The following CDH18 variants were observed in gnomAD, a reference collection of about 807,000 sequenced individuals.
The protein encoded by CDH18 is cadherin-18.
Under a neutral mutation model 67.9 loss-of-function variants are expected in CDH18, and 31 were observed. The observed-to-expected ratio is 0.46, with a 90% CI of 0.34 to 0.62. CDH18 has a LOEUF of 0.62. Ranked by LOEUF, CDH18 falls within the 20% of genes least tolerant of loss-of-function variation. The probability of loss-of-function intolerance (pLI) is 0.01; values close to 1 mark genes in which losing one functional copy is unlikely to be tolerated. For missense variants in CDH18, 890 were observed against 975.5 expected (o/e 0.91, Z 1.17); for synonymous variants, 362 against 347.2 (o/e 1.04, Z -0.48).
intron 11 of CDH18, among the ~76,000 whole-genome samples, chr5:19,494,138 C>A (rs1741915242): frequency 6.6e-6 from 1 of 152,026 alleles, no homozygotes; most frequent in South Asian, 2.1e-4. Flanking sequence ...ATTTCATCAT[C>A]TGTCAAGTTA....
At position 20,195,924 on chromosome 5, in the gene CDH18, A is replaced by G. The variant is rs72743050; in HGVS notation, c.-518+59520T>C. 4.0e-3 allele frequency among the ~76,000 whole-genome samples: 605 copies of G among 152,256 alleles called. 7 individuals carry two copies. The highest frequency in any genetic ancestry group is 0.02 in the Middle Eastern group (6 of 294). On this transcript the variant is annotated intron_variant, in intron 2 of 14. Coordinates refer to the CDH18 transcript ENST00000507958. ...AAATGTATGGGACTCAAAAATTCCA[A>G]TCACTTAACAAAATCAAAAGTAAGT...
At chr5:19,527,112 CT>C (rs1303211859) in intron 9 of CDH18, among the ~76,000 whole-genome samples, 7 of 151,828 alleles carry the variant, frequency 4.6e-5, no homozygotes, top group Non-Finnish European at 8.9e-5. Flanking sequence ...TTGGTTAATG[CT>C]TTGTTTGTTA....
At chr5:20,105,047 G>A (rs1224046240) in intron 2 of CDH18, among the ~76,000 whole-genome samples, 1 of 151,976 alleles carries the variant, frequency 6.6e-6, no homozygotes, top group Non-Finnish European at 1.5e-5. Context: ...GGAGTGCAAT[G>A]ACACGATCTT....
chr5:20,035,332 G>C (rs4482910), intron 2 of CDH18, among the ~76,000 whole-genome samples: 2 of 152,008 alleles, frequency 1.3e-5, no homozygotes, highest in African/African-American at 4.8e-5. Flanking sequence ...CCAGGTACTG[G>C]ACTGTAAGAA....
chr5:19,633,043 T>C (rs1030784101), intron 5 of CDH18, among the ~76,000 whole-genome samples: 2 of 152,236 alleles, frequency 1.3e-5, no homozygotes, highest in African/African-American at 4.8e-5. Flanking sequence ...CTGCATTAAC[T>C]GGCCTTCAGC....
intron 1 of CDH18, among the ~76,000 whole-genome samples, chr5:20,423,946 C>CAAAAAAAAAAAAA (rs553723574): frequency 3.1e-4 from 20 of 63,824 alleles, no homozygotes; most frequent in African/African-American, 1.8e-3. Flanking sequence ...GACTCCGTCT[C>CAAAAAAAAAAAAA]AAAAAAAAAA....
At chr5:19,865,683 G>A (rs1785404462) in intron 2 of CDH18, among the ~76,000 whole-genome samples, 1 of 152,072 alleles carries the variant, frequency 6.6e-6, no homozygotes, top group South Asian at 2.1e-4. Context: ...CCTTTCAGGG[G>A]TTTGGGAAAT....
chr5:20,172,664 T>C (rs1736922423), intron 2 of CDH18, among the ~76,000 whole-genome samples: 2 of 151,994 alleles, frequency 1.3e-5, no homozygotes, highest in Admixed American at 1.3e-4. Flanking sequence ...CAAAAATATA[T>C]GAAGCAGGAT....
Position 19,522,622 on chromosome 5 carries a change from T to A in CDH18, c.1391-1844A>T, listed in dbSNP as rs149101815. Among the ~76,000 whole-genome samples, 19 of 152,150 alleles carry A rather than the reference T, an allele frequency of 1.2e-4. 1 individual carries two copies. Among genetic ancestry groups the A allele is most frequent in the African/African-American group, 4.3e-4 (18 of 41,540 alleles). ...ATAAAGCAGAATTGCACGCCGGGCATGGTGGCTCACGCCTGTAATCCCAGT... is the reference window on the plus strand; with the variant it reads ...ATAAAGCAGAATTGCACGCCGGGCAAGGTGGCTCACGCCTGTAATCCCAGT... On this transcript the variant is annotated intron_variant, in intron 9 of 12. Coordinates refer to ENST00000382275, the MANE Select transcript of CDH18 (RefSeq NM_004934.5).
chr5:20,421,529 C>T (rs1747858613), intron 1 of CDH18, among the ~76,000 whole-genome samples: 1 of 150,594 alleles, frequency 6.6e-6, no homozygotes, highest in African/African-American at 2.5e-5. Flanking sequence ...ACAGAACATT[C>T]CTAGATATAA....
intron 1 of CDH18, among the ~76,000 whole-genome samples, chr5:20,575,039 A>G (rs1436490039): frequency 6.6e-6 from 1 of 152,098 alleles, no homozygotes; most frequent in Non-Finnish European, 1.5e-5. Context: ...ACGTCTGCAT[A>G]AAATATAATA....
At chr5:19,727,190 T>C (rs758238109) in intron 4 of CDH18, among the ~76,000 whole-genome samples, 28 of 152,192 alleles carry the variant, frequency 1.8e-4, no homozygotes, top group Non-Finnish European at 4.0e-4. Context: ...TTAAATCATA[T>C]CCTCCCAAAT....
intron 1 of CDH18, chr5:20,304,196 G>C: frequency 6.6e-7 from 1 of 1,504,580 alleles, no homozygotes; most frequent in Non-Finnish European, 9.3e-7. Context: ...ATTTTTCCCT[G>C]TTGGCGTACG....
At chr5:20,213,717 G>T (rs1740536187) in intron 2 of CDH18, among the ~76,000 whole-genome samples, 1 of 152,028 alleles carries the variant, frequency 6.6e-6, no homozygotes, top group African/African-American at 2.4e-5. Context: ...TTGTACTTCT[G>T]TGGGGTCAGT....
chr5:20,009,800 G>T (rs1240117617), intron 2 of CDH18, among the ~76,000 whole-genome samples: 23 of 151,998 alleles, frequency 1.5e-4, no homozygotes. Flanking sequence ...GATGAATAAT[G>T]CCAATAATGC....
intron 3 of CDH18, among the ~76,000 whole-genome samples, chr5:19,769,440 A>T (rs1773482165): frequency 6.6e-6 from 1 of 152,122 alleles, no homozygotes. Flanking sequence ...AAAGTTCAAT[A>T]TCTAGCAAAC....
rs1194905113 is a variant in CDH18 at position 19,884,803 on chromosome 5, AC to A, written c.-256-45562del. On this transcript the variant is annotated intron_variant, in intron 2 of 12. Coordinates refer to ENST00000382275, the MANE Select transcript of CDH18 (RefSeq NM_004934.5). ...GCTTAAGTAAGAAATTTAAATCTTTACAAAAATTTTTTAAACAGTCACTCTT... is the reference window on the plus strand; with the variant it reads ...GCTTAAGTAAGAAATTTAAATCTTTAAAAAATTTTTTAAACAGTCACTCTT... Among the ~76,000 whole-genome samples, 4 of 152,178 alleles carry A rather than the reference AC, an allele frequency of 2.6e-5. No individual in the cohort carries two copies. In the East Asian group the frequency reaches 7.7e-4, roughly 29 times the overall value.
intron 1 of CDH18, among the ~76,000 whole-genome samples, chr5:20,455,834 A>G (rs1750800965): frequency 1.3e-5 from 2 of 152,106 alleles, no homozygotes; most frequent in Non-Finnish European, 2.9e-5. Flanking sequence ...ACACAGATTT[A>G]TTCCTTTCTC....
At chr5:20,007,672 AGTGTGTGTGTGT>A (rs145213048) in intron 2 of CDH18, among the ~76,000 whole-genome samples, 7,734 of 140,214 alleles carry the variant, frequency 0.055, 397 homozygotes, top group African/African-American at 0.13. Flanking sequence ...GTGTGTGGAA[AGTGTGTGTGTGT>A]GTGTGTGTGT....
Sources: allele counts gnomAD v4.1 joint callset (sites outside exome capture counted in the v4.1 genomes callset), GRCh38; gene constraint gnomAD v4.1.1; transcripts MANE v1.5; gene names NCBI Gene and HGNC (gene_info 2026-07-23, HGNC 2026-07-21).